Variants in TGIF1 observed in about 807,000 individuals in gnomAD.
TGIF1 encodes the protein TGFB induced factor homeobox 1.
Under a neutral mutation model 19.3 loss-of-function variants are expected in TGIF1, and 4 were observed. The ratio of observed to expected loss-of-function variants is 0.21; its 90% CI spans 0.10 to 0.47. The LOEUF is 0.47. TGIF1 is among the 20% of genes least tolerant of loss of function. TGIF1 has a pLI of 0.98. For synonymous variants in TGIF1, 122 were observed against 129.3 expected, an observed-to-expected ratio of 0.94 and a Z score of 0.38; for missense variants, 275 against 341.4, an observed-to-expected ratio of 0.81 and a Z score of 1.53.
intron 1 of TGIF1, chr18:3,415,453 C>T (rs1297212747): frequency 4.0e-6 from 2 of 494,834 alleles, no homozygotes; most frequent in Non-Finnish European, 8.1e-6. Context: ...AAAATTAAAC[C>T]ACATCCTCAG....
upstream of TGIF1, among the ~76,000 whole-genome samples, chr18:3,445,845 A>AC (rs1427585812): frequency 1.4e-5 from 2 of 143,894 alleles, no homozygotes; most frequent in African/African-American, 5.1e-5. Context: ...TCAGAGCACA[A>AC]CCCCCCACAG....
Position 3,450,523 on chromosome 18 carries a change from T to C in TGIF1, c.16+18T>C, listed in dbSNP as rs1181180588. ...CAAGAAAGGTAAGGCGGCCGCGGGC[T>C]GCGCGCACCAGAAGACGCGAGTCCG... is the stretch of plus-strand genomic sequence containing the variant. On this transcript the variant is annotated intron_variant, in intron 1 of 2. Coordinates refer to ENST00000343820, the MANE Select transcript of TGIF1 (RefSeq NM_003244.4). The C allele has an allele frequency of 1.3e-6, 2 of 1,559,480 alleles. No homozygotes were observed. Among genetic ancestry groups the C allele is most frequent in the Non-Finnish European group, 1.7e-6 (2 of 1,152,182 alleles).
intron 2 of TGIF1, among the ~76,000 whole-genome samples, chr18:3,427,065 T>C (rs577567157): frequency 6.6e-6 from 1 of 151,970 alleles, no homozygotes; most frequent in East Asian, 1.9e-4. Flanking sequence ...TGCCTCAGCC[T>C]CCCAAATAGC....
chr18:3,425,111 C>T (rs186828877), intron 2 of TGIF1, among the ~76,000 whole-genome samples: 5 of 152,332 alleles, frequency 3.3e-5, no homozygotes, highest in African/African-American at 1.2e-4. Flanking sequence ...ACTGAACTCT[C>T]AACCCGTGAG....
rs2082473065 is a variant in TGIF1 at position 3,426,614 on chromosome 18, G to A, written c.-45+8399G>A. ...GTATTTTGTTTGCTAATACTGTGGAGAAAGAAGCAGGAATTCCCATTCATT... is the reference window on the plus strand; with the variant it reads ...GTATTTTGTTTGCTAATACTGTGGAAAAAGAAGCAGGAATTCCCATTCATT... On this transcript the variant is annotated intron_variant, in intron 2 of 3. Coordinates refer to the TGIF1 transcript ENST00000401449. 2.0e-5 allele frequency among the ~76,000 whole-genome samples: 3 copies of A among 152,138 alleles called. No individual in the cohort carries two copies. The South Asian group carries it at 6.2e-4, about 31-fold the overall frequency.
exon 1 of TGIF1, chr18:3,412,244 G>C (rs1487612086): frequency 1.3e-5 from 2 of 152,150 alleles, no homozygotes; most frequent in South Asian, 2.1e-4. Flanking sequence ...GCTCCTCATC[G>C]AGAAACCCAG....
At position 3,451,486 on chromosome 18, in the gene TGIF1, C is replaced by A; in HGVS notation, c.16+981C>A. The A allele has an allele frequency of 1.0e-6, 1 of 988,452 alleles. No homozygotes were observed. The highest frequency in any genetic ancestry group is 1.2e-6 in the Non-Finnish European group (1 of 832,150). The allele number at this position is 988,452 out of a possible 1,614,324, so 61.2% of individuals were successfully genotyped here. On this transcript the variant is annotated intron_variant, in intron 1 of 2. Coordinates refer to ENST00000343820, the MANE Select transcript of TGIF1 (RefSeq NM_003244.4). This position sits in a 1 kb window ranked among gnomAD's most constrained non-coding sequence, Gnocchi z 5.4. ...TGTGGGCTGGAGGTGGCGTTTCTGT[C>A]GTGATTTATGTGGAGTGGTTCAAAA...
chr18:3,439,678 T>C (rs1487713426), intron 2 of TGIF1, among the ~76,000 whole-genome samples: 1 of 151,808 alleles, frequency 6.6e-6, no homozygotes, highest in Non-Finnish European at 1.5e-5. Context: ...TATTCAGGAC[T>C]AGTAGACGTG....
chr18:3,448,414 C>T, upstream of TGIF1: 1 of 998,926 alleles, frequency 1.0e-6, no homozygotes, highest in Non-Finnish European at 1.2e-6. Flanking sequence ...ATCTGTCCCG[C>T]ACCGGGCGCA....
rs1303701406 is a variant in TGIF1 at position 3,457,724 on chromosome 18, G to C, written c.603G>C (p.Gln201His). The change falls in exon 3 of 3, where the codon CAG (glutamine) becomes CAC (histidine). Residue 201 changes from glutamine to histidine, a missense_variant. Coordinates refer to ENST00000343820, the MANE Select transcript of TGIF1 (RefSeq NM_003244.4). The surrounding 1 kb of genome is among the most constrained non-coding windows in gnomAD (Gnocchi z 4.9). ...GTGTGGGACAAAACACAGATATACA[G>C]CAGATAGCGGCCAAAAACTTCACAG... ...SVGVGQNTDI[Q>H]QIAAKNFTDT... The C allele has an allele frequency of 2.5e-6, 4 of 1,614,196 alleles. No individual in the cohort carries two copies. The South Asian group carries it at 4.4e-5, about 18-fold the overall frequency.
At chr18:3,433,248 AT>A (rs1260397777) in intron 2 of TGIF1, among the ~76,000 whole-genome samples, 1 of 150,232 alleles carries the variant, frequency 6.7e-6, no homozygotes, top group Non-Finnish European at 1.5e-5. Flanking sequence ...TGATTTTTGT[AT>A]TTTTGGTAGA....
At chr18:3,444,127 G>T (rs1328075114) in intron 2 of TGIF1, among the ~76,000 whole-genome samples, 1 of 149,782 alleles carries the variant, frequency 6.7e-6, no homozygotes, top group Non-Finnish European at 1.5e-5. Context: ...TGTATTTTTA[G>T]TACAGACGGG....
intron 1 of TGIF1, among the ~76,000 whole-genome samples, chr18:3,412,467 T>C (rs1302514678): frequency 1.3e-5 from 2 of 152,198 alleles, no homozygotes; most frequent in African/African-American, 4.8e-5. Context: ...GTAACAAGAT[T>C]AAATCTAGCC....
At chr18:3,434,354 C>A (rs1030526923) in intron 2 of TGIF1, among the ~76,000 whole-genome samples, 2 of 151,930 alleles carry the variant, frequency 1.3e-5, no homozygotes, top group African/African-American at 2.4e-5. Context: ...CTGACCAACA[C>A]GTAGAAACCC....
intron 2 of TGIF1, among the ~76,000 whole-genome samples, chr18:3,425,529 T>C (rs1171066884): frequency 6.6e-6 from 1 of 152,214 alleles, no homozygotes; most frequent in African/African-American, 2.4e-5. Flanking sequence ...GATTGGCCTT[T>C]TGGGACGTCT....
intron 1 of TGIF1, among the ~76,000 whole-genome samples, chr18:3,454,875 T>C (rs778691202): frequency 1.3e-5 from 2 of 152,212 alleles, no homozygotes; most frequent in Non-Finnish European, 2.9e-5. Flanking sequence ...CAGCACCTTC[T>C]GCCCCCTGCA....
upstream of TGIF1, among the ~76,000 whole-genome samples, chr18:3,446,660 C>T (rs1286324060): frequency 3.3e-5 from 5 of 152,162 alleles, no homozygotes; most frequent in Non-Finnish European, 7.3e-5. Context: ...GGAGAATTAT[C>T]CTGATGGGGC....
rs948095354 is a variant in TGIF1, at chr18:3,451,521, A to G, written c.16+1016A>G. 2 of 998,430 alleles carry G rather than the reference A, an allele frequency of 2.0e-6. No homozygotes were observed. Among genetic ancestry groups the G allele is most frequent in the Non-Finnish European group, 2.4e-6 (2 of 839,448 alleles). 61.8% of individuals were successfully genotyped at this position (998,430 alleles called of 1,614,324 possible). On this transcript the variant is annotated intron_variant, in intron 1 of 2. Coordinates refer to ENST00000343820, the MANE Select transcript of TGIF1 (RefSeq NM_003244.4). The surrounding 1 kb of genome is among the most constrained non-coding windows in gnomAD (Gnocchi z 5.4). Reference sequence around the variant, plus strand: ...GTGGAGTGGTTCAAAACAGAAGTTAATCACTCGGGAAGCGGACGGGAGGGG... The same window carrying G: ...GTGGAGTGGTTCAAAACAGAAGTTAGTCACTCGGGAAGCGGACGGGAGGGG...
intron 2 of TGIF1, among the ~76,000 whole-genome samples, chr18:3,427,095 C>T (rs1399818417): frequency 1.3e-5 from 2 of 151,990 alleles, no homozygotes; most frequent in African/African-American, 2.4e-5. Context: ...AGGCTTGCGC[C>T]ACCATGCCCG....
Sources: allele counts gnomAD v4.1 joint callset (sites outside exome capture counted in the v4.1 genomes callset), GRCh38; gene constraint gnomAD v4.1.1; non-coding constraint Gnocchi (gnomAD v3.1); transcripts MANE v1.5; gene names NCBI Gene and HGNC (gene_info 2026-07-23, HGNC 2026-07-21).